The following TNFAIP8L2 variants were observed in gnomAD, a reference collection of about 807,000 sequenced individuals.
TNFAIP8L2 encodes the protein TNF alpha induced protein 8 like 2.
Under a neutral mutation model 5.6 loss-of-function variants are expected in TNFAIP8L2, and 2 were observed. The observed-to-expected ratio is 0.36, with a 90% CI of 0.15 to 1.13. The LOEUF (loss-of-function observed/expected upper bound fraction) is 1.13. Ranked by LOEUF, TNFAIP8L2 falls within the 50% of genes most tolerant of loss-of-function variation. The pLI, the probability that TNFAIP8L2 is intolerant of heterozygous loss-of-function variation, is 0.40. For synonymous variants in TNFAIP8L2, 91 were observed against 101.1 expected (o/e 0.90, Z 0.60); for missense variants, 216 against 241.8 (o/e 0.89, Z 0.71).
At position 151,159,289 on chromosome 1, in the gene TNFAIP8L2, G is replaced by A. The variant is rs1351626815; in HGVS notation, c.*37G>A. On this transcript the variant is annotated 3_prime_UTR_variant, in exon 2 of 2. Transcript: ENST00000368910. ...CTAGCACATTCCACCTTGACAAAAT[G>A]GTTGACTGAGAAAACACAGATAATG... 2 of 1,572,042 alleles carry A rather than the reference G, an allele frequency of 1.3e-6. No individual in the cohort carries two copies. Among genetic ancestry groups the A allele is most frequent in the East Asian group, 2.3e-5 (1 of 44,380 alleles).
In TNFAIP8L2 at chr1:151,158,820, G is replaced by C; in HGVS notation, c.123G>C (p.Glu41Asp). The C allele has an allele frequency of 6.2e-7, 1 of 1,614,150 alleles. No individual in the cohort carries two copies. Residue 41 changes from glutamate to aspartate, a missense_variant, in exon 2 of 2, where the codon GAG becomes GAC. Physicochemically the swap from Glu to Asp is conservative, Grantham distance 45. Coordinates refer to ENST00000368910, the MANE Select transcript of TNFAIP8L2 (RefSeq NM_024575.5). ...IDETSSEVLDELYRVSKEYTH... is the reference protein window; with the variant it reads ...IDETSSEVLDDLYRVSKEYTH... ...AGACAAGCAGTGAGGTGCTAGATGA[G>C]CTCTACCGTGTGTCCAAGGAGTACA...
chr1:151,156,764 A>C (rs1683236210), intron 1 of TNFAIP8L2, 42 bp downstream of exon 1: 2 of 152,238 alleles, frequency 1.3e-5, no homozygotes. Flanking sequence ...TTTAGGGGTA[A>C]TGGTGGCAGA....
At chr1:151,157,732 A>T (rs1366622245) in intron 1 of TNFAIP8L2, among the ~76,000 whole-genome samples, 5 of 152,168 alleles carry the variant, frequency 3.3e-5, no homozygotes, top group Non-Finnish European at 7.3e-5. Context: ...ACCTACCCTA[A>T]CCTTACACAG....
chr1:151,158,608 A>C, intron 1 of TNFAIP8L2, 58 bp from the exon 2 acceptor site: 1 of 1,248,958 alleles, frequency 8.0e-7, no homozygotes, highest in Non-Finnish European at 1.1e-6. Flanking sequence ...TAAAGAAGCA[A>C]CAGAAAAGGG....
chr1:151,158,557 GC>G (rs1683309728), intron 1 of TNFAIP8L2, 108 bp from the exon 2 acceptor site: 1 of 847,380 alleles, frequency 1.2e-6, no homozygotes. Context: ...GCCCCAGGGG[GC>G]GGAGAGGATG....
At position 151,159,020 on chromosome 1, in the gene TNFAIP8L2, A is replaced by C. The variant is rs1225004116; in HGVS notation, c.323A>C (p.Asp108Ala). 1 of 1,614,230 alleles carries C rather than the reference A, an allele frequency of 6.2e-7. No individual in the cohort carries two copies. The highest frequency in any genetic ancestry group is 2.2e-5 in the East Asian group (1 of 44,888). ...ACGGCACTTAGCTTTGGTGAGGTAGACTTCACCTTCGAGGCTGCTGTTCTG... is the reference window on the plus strand; with the variant it reads ...ACGGCACTTAGCTTTGGTGAGGTAGCCTTCACCTTCGAGGCTGCTGTTCTG... ...AMTALSFGEV[D>A]FTFEAAVLAG... Residue 108 changes from aspartate to alanine, a missense_variant, in exon 2 of 2, where the codon GAC becomes GCC. Physicochemically the swap from Asp to Ala is moderately radical, Grantham distance 126. Transcript: ENST00000368910.
At chr1:151,157,962 A>G (rs1199340021) in intron 1 of TNFAIP8L2, among the ~76,000 whole-genome samples, 1 of 152,200 alleles carries the variant, frequency 6.6e-6, no homozygotes, top group African/African-American at 2.4e-5. Flanking sequence ...TAGCTGTAAA[A>G]CAAGGATGGT....
Position 151,158,962 on chromosome 1 carries a change from C to G in TNFAIP8L2, c.265C>G (p.Arg89Gly), listed in dbSNP as rs750403186. Residue 89 changes from arginine (R) to glycine (G), a missense_variant, in exon 2 of 2, where the codon CGC becomes GGC. Physicochemically the swap from Arg to Gly is moderately radical, Grantham distance 125. Coordinates refer to ENST00000368910, the MANE Select transcript of TNFAIP8L2 (RefSeq NM_024575.5). The part of the protein sequence containing the change: ...FGPSELALAT[R>G]FRQKLRQGAM... Reference sequence around the variant, plus strand: ...CCCCAGTGAGCTGGCCCTGGCTACCCGCTTTCGCCAGAAGCTGCGGCAGGG... The same window carrying G: ...CCCCAGTGAGCTGGCCCTGGCTACCGGCTTTCGCCAGAAGCTGCGGCAGGG... 4.3e-5 allele frequency: 70 copies of G among 1,614,152 alleles called. No homozygotes were observed. The highest frequency in any genetic ancestry group is 5.6e-5 in the Non-Finnish European group (66 of 1,180,060).
Position 151,159,363 on chromosome 1 carries a change from C to A in TNFAIP8L2, c.*111C>A. 1.7e-6 allele frequency: 2 copies of A among 1,147,588 alleles called. No homozygotes were observed. The highest frequency in any genetic ancestry group is 2.4e-6 in the Non-Finnish European group (2 of 819,228). The allele number at this position is 1,147,588 out of a possible 1,614,324, so 71.1% of individuals were successfully genotyped here. ...GCACTAACACTTTTCAATCTTCAGG[C>A]TTCATTCCTTCCCAAGAGTGCTTTT... On this transcript the variant is annotated 3_prime_UTR_variant, in exon 2 of 2. Coordinates refer to ENST00000368910, the MANE Select transcript of TNFAIP8L2 (RefSeq NM_024575.5).
rs1039414942 is a variant in TNFAIP8L2, at chr1:151,158,834, C to T, written c.137C>T (p.Ser46Phe). 1.9e-6 allele frequency: 3 copies of T among 1,613,972 alleles called. No homozygotes were observed. In the African/African-American group the frequency reaches 4.0e-5, roughly 22 times the overall value. The change falls in exon 2 of 2, where the codon TCC becomes TTC. Residue 46 changes from serine (S) to phenylalanine (F), a missense_variant. Transcript: ENST00000368910. ...GTGCTAGATGAGCTCTACCGTGTGT[C>T]CAAGGAGTACACGCACAGCCGGCCC... ...SEVLDELYRVSKEYTHSRPQA... is the reference protein window; with the variant it reads ...SEVLDELYRVFKEYTHSRPQA...
Position 151,158,862 on chromosome 1 carries a change from G to C in TNFAIP8L2, c.165G>C (p.Gln55His), listed in dbSNP as rs745373199. The C allele has an allele frequency of 3.3e-5, 53 of 1,614,116 alleles. No homozygotes were observed. In the Admixed American group the frequency reaches 8.7e-4, roughly 26 times the overall value. The change falls in exon 2 of 2, where the codon CAG becomes CAC. Residue 55 changes from glutamine (Q) to histidine (H), a missense_variant. By Grantham distance (24) the Gln-to-His change is conservative (BLOSUM62 0). Transcript: ENST00000368910. Reference protein sequence around the residue: ...VSKEYTHSRPQAQRVIKDLIK... With the variant: ...VSKEYTHSRPHAQRVIKDLIK... Reference sequence around the variant, plus strand: ...AGGAGTACACGCACAGCCGGCCCCAGGCCCAGCGCGTGATCAAGGACCTGA... The same window carrying C: ...AGGAGTACACGCACAGCCGGCCCCACGCCCAGCGCGTGATCAAGGACCTGA...
chr1:151,156,880 C>A (rs933372858), intron 1 of TNFAIP8L2, among the ~76,000 whole-genome samples, 158 bp downstream of exon 1: 1 of 152,150 alleles, frequency 6.6e-6, no homozygotes, highest in African/African-American at 2.4e-5. Flanking sequence ...GGTGGCAAGG[C>A]AGCCTCTGAA....
At position 151,159,531 on chromosome 1, in the gene TNFAIP8L2, C is replaced by T. The variant is rs1683359335; in HGVS notation, c.*279C>T. On this transcript the variant is annotated 3_prime_UTR_variant, in exon 2 of 2. Transcript: ENST00000368910. Reference sequence around the variant, plus strand: ...GTGAAACTTGGATCTCTATTTCTCCCATAAGGGACTTCTGAAACAGGGAAG... The same window carrying T: ...GTGAAACTTGGATCTCTATTTCTCCTATAAGGGACTTCTGAAACAGGGAAG... 1 of 366,544 alleles carries T rather than the reference C, an allele frequency of 2.7e-6. No individual in the cohort carries two copies. Among genetic ancestry groups the T allele is most frequent in the South Asian group, 3.2e-5 (1 of 31,614 alleles). 22.7% of individuals were successfully genotyped at this position (366,544 alleles called of 1,614,324 possible).
At position 151,159,274 on chromosome 1, in the gene TNFAIP8L2, C is replaced by T; in HGVS notation, c.*22C>T. The stretch of plus-strand genomic sequence containing the variant: ...CTGAGAGCCCTGAGCCTAGCACATT[C>T]CACCTTGACAAAATGGTTGACTGAG... On this transcript the variant is annotated 3_prime_UTR_variant, in exon 2 of 2. Transcript: ENST00000368910. 1 of 1,588,246 alleles carries T rather than the reference C, an allele frequency of 6.3e-7. No individual in the cohort carries two copies. Among genetic ancestry groups the T allele is most frequent in the Non-Finnish European group, 8.6e-7 (1 of 1,164,128 alleles).
In TNFAIP8L2 at chr1:151,159,003, T is replaced by C; in HGVS notation, c.306T>C (p.Leu102=). The stretch of plus-strand genomic sequence containing the variant: ...TGCGGCAGGGTGCCATGACGGCACT[T>C]AGCTTTGGTGAGGTAGACTTCACCT... ...QKLRQGAMTA[L]SFGEVDFTFE... The change falls in exon 2 of 2, where the codon CTT becomes CTC. Residue 102 remains leucine, a synonymous_variant. Coordinates refer to ENST00000368910, the MANE Select transcript of TNFAIP8L2 (RefSeq NM_024575.5). 6.2e-7 allele frequency: 1 copy of C among 1,614,282 alleles called. No homozygotes were observed. Among genetic ancestry groups the C allele is most frequent in the Non-Finnish European group, 8.5e-7 (1 of 1,180,048 alleles).
In TNFAIP8L2 at chr1:151,158,961, C is replaced by T. The variant is rs2101682942; in HGVS notation, c.264C>T (p.Thr88=). 6.2e-7 allele frequency: 1 copy of T among 1,614,274 alleles called. No individual in the cohort carries two copies. The highest frequency in any genetic ancestry group is 1.1e-5 in the South Asian group (1 of 91,088). ...SFGPSELALA[T]RFRQKLRQGA... is the part of the protein sequence containing the mutation. ...GCCCCAGTGAGCTGGCCCTGGCTAC[C>T]CGCTTTCGCCAGAAGCTGCGGCAGG... Residue 88 remains threonine (T), a synonymous_variant, in exon 2 of 2, where the codon ACC becomes ACT. Coordinates refer to ENST00000368910, the MANE Select transcript of TNFAIP8L2 (RefSeq NM_024575.5).
intron 1 of TNFAIP8L2, among the ~76,000 whole-genome samples, chr1:151,157,152 A>T (rs1043773456): frequency 4.6e-5 from 7 of 152,182 alleles, no homozygotes; most frequent in Non-Finnish European, 2.9e-5. Context: ...GGGTAACAGG[A>T]AGGCCAAGGA....
rs1683347089 is a variant in TNFAIP8L2 at position 151,159,220 on chromosome 1, C to T, written c.523C>T (p.Leu175Phe). 6.2e-7 allele frequency: 1 copy of T among 1,613,454 alleles called. No individual in the cohort carries two copies. The highest frequency in any genetic ancestry group is 1.3e-5 in the African/African-American group (1 of 74,944). The change falls in exon 2 of 2, where the codon CTC becomes TTC. Residue 175 changes from leucine (L) to phenylalanine (F), a missense_variant. Leu to Phe is a conservative substitution (Grantham distance 22, BLOSUM62 0). Coordinates refer to ENST00000368910, the MANE Select transcript of TNFAIP8L2 (RefSeq NM_024575.5). Reference sequence around the variant, plus strand: ...GCACCTTGGCAAGATCTGTGACGGACTCAGGAAGCTGCTAGACGAAGGGAA... The same window carrying T: ...GCACCTTGGCAAGATCTGTGACGGATTCAGGAAGCTGCTAGACGAAGGGAA... ...TQHLGKICDGLRKLLDEGKL is the reference protein window; with the variant it reads ...TQHLGKICDGFRKLLDEGKL
intron 1 of TNFAIP8L2, among the ~76,000 whole-genome samples, chr1:151,157,180 G>T (rs1382598191): frequency 6.6e-6 from 1 of 152,178 alleles, no homozygotes; most frequent in Non-Finnish European, 1.5e-5. Flanking sequence ...AGGCTCACAT[G>T]GAGCAATCTC....
Sources: gnomAD v4.1 joint callset for allele counts (sites outside exome capture counted in the v4.1 genomes callset) on GRCh38, gnomAD v4.1.1 for gene constraint, MANE v1.5 for transcripts, NCBI Gene and HGNC (gene_info 2026-07-23, HGNC 2026-07-21) for gene names.